CENPW: variants seen among roughly 807,000 people sequenced by gnomAD.
The protein encoded by CENPW is cancer-up-regulated gene 2 protein.
CENPW carries 3 observed loss-of-function variants against 11.1 expected under a neutral mutation model. That is an observed-to-expected ratio of 0.27 (90% CI 0.12 to 0.70). The LOEUF is 0.70. Among genes scored for constraint, CENPW ranks in the 30% least tolerant of loss-of-function variants. The pLI is 0.77. For synonymous variants in CENPW, 38 were observed against 42.0 expected (o/e 0.91, Z 0.37); for missense variants, 100 against 105.6 (o/e 0.95, Z 0.23).
At chr6:126,417,698 T>C in the CENPW span, among the ~76,000 whole-genome samples, 1 of 152,202 alleles carries the variant, frequency 6.6e-6, no homozygotes, top group African/African-American at 2.4e-5. Flanking sequence ...CCCAGTCACT[T>C]GGAACAGTAA....
At chr6:126,406,574 C>T in the CENPW span, among the ~76,000 whole-genome samples, 4 of 152,068 alleles carry the variant, frequency 2.6e-5, no homozygotes, top group African/African-American at 9.7e-5. Flanking sequence ...GTTTGATAGG[C>T]CAGGCACAGT....
downstream of CENPW, among the ~76,000 whole-genome samples, chr6:126,349,235 A>G (rs778257895): frequency 1.3e-5 from 2 of 152,154 alleles, no homozygotes; most frequent in Non-Finnish European, 2.9e-5. Context: ...GAGAAGTCCC[A>G]TGTACAGTAC....
chr6:126,422,678 C>G, the CENPW span, among the ~76,000 whole-genome samples: 1 of 152,030 alleles, frequency 6.6e-6, no homozygotes. Context: ...TCTACTTCAT[C>G]CCTCATGCCA....
chr6:126,469,436 A>C, the CENPW span, among the ~76,000 whole-genome samples: 1 of 152,184 alleles, frequency 6.6e-6, no homozygotes. Context: ...CTTGTTTATA[A>C]ATTATCCAGT....
At chr6:126,379,806 C>T in the CENPW span, among the ~76,000 whole-genome samples, 12 of 152,196 alleles carry the variant, frequency 7.9e-5, no homozygotes, top group East Asian at 3.9e-4. Flanking sequence ...AAAAATCAAA[C>T]GAATTAAAGT....
the CENPW span, among the ~76,000 whole-genome samples, chr6:126,402,598 T>G: frequency 6.7e-6 from 1 of 149,832 alleles, no homozygotes; most frequent in African/African-American, 2.4e-5. Flanking sequence ...ACATTTTATA[T>G]AAATTGAATC....
chr6:126,400,158 T>C, the CENPW span, among the ~76,000 whole-genome samples: 1 of 151,958 alleles, frequency 6.6e-6, no homozygotes, highest in African/African-American at 2.4e-5. Context: ...TATATTAGAG[T>C]GAGTAACAGT....
At chr6:126,421,128 G>A in the CENPW span, among the ~76,000 whole-genome samples, 41 of 152,084 alleles carry the variant, frequency 2.7e-4, no homozygotes, top group African/African-American at 8.7e-4. Flanking sequence ...CTCTTGTTTT[G>A]TATAAAATTG....
the CENPW span, among the ~76,000 whole-genome samples, chr6:126,376,864 C>T: frequency 6.6e-6 from 1 of 152,036 alleles, no homozygotes; most frequent in Non-Finnish European, 1.5e-5. Context: ...GATGGGGGCA[C>T]CCTGGTGTTC....
chr6:126,403,153 T>A, the CENPW span, among the ~76,000 whole-genome samples: 1 of 152,134 alleles, frequency 6.6e-6, no homozygotes, highest in South Asian at 2.1e-4. Context: ...AACTAAGTGT[T>A]TCCCTATTTC....
chr6:126,364,735 GA>G, the CENPW span, among the ~76,000 whole-genome samples: 1 of 152,226 alleles, frequency 6.6e-6, no homozygotes, highest in Non-Finnish European at 1.5e-5. Flanking sequence ...ATGAAAACTT[GA>G]ATGAAGGAAA....
chr6:126,388,961 G>A, the CENPW span, among the ~76,000 whole-genome samples: 3 of 151,782 alleles, frequency 2.0e-5, no homozygotes, highest in Non-Finnish European at 4.4e-5. Flanking sequence ...GCATTCAAAG[G>A]GTTTCCATAG....
At chr6:126,381,836 C>CAGTACCAGTCCCCTAAAGTT in the CENPW span, among the ~76,000 whole-genome samples, 1 of 152,160 alleles carries the variant, frequency 6.6e-6, no homozygotes, top group Non-Finnish European at 1.5e-5. Flanking sequence ...AACCAGGGCT[C>CAGTACCAGTCCCCTAAAGTT]AGTACCAGTC....
the CENPW span, among the ~76,000 whole-genome samples, chr6:126,357,771 G>A: frequency 6.6e-6 from 1 of 152,016 alleles, no homozygotes; most frequent in Non-Finnish European, 1.5e-5. Flanking sequence ...ACCACACCTG[G>A]CTGATTTTAG....
the CENPW span, among the ~76,000 whole-genome samples, chr6:126,417,116 G>A: frequency 1.3e-5 from 2 of 152,180 alleles, no homozygotes; most frequent in African/African-American, 4.8e-5. Flanking sequence ...CTGCATCAGT[G>A]TGACCTGGAT....
chr6:126,455,757 T>G, the CENPW span, among the ~76,000 whole-genome samples: 3 of 151,250 alleles, frequency 2.0e-5, no homozygotes, highest in African/African-American at 4.8e-5. Flanking sequence ...AGCATCCAAA[T>G]AGAAAGAGAA....
At chr6:126,410,095 G>C in the CENPW span, among the ~76,000 whole-genome samples, 1 of 151,516 alleles carries the variant, frequency 6.6e-6, no homozygotes. Context: ...AGAGCTTTAT[G>C]TATTTCTCCA....
chr6:126,415,561 T>C, the CENPW span, among the ~76,000 whole-genome samples: 1 of 152,152 alleles, frequency 6.6e-6, no homozygotes, highest in Non-Finnish European at 1.5e-5. Context: ...ATAAGTGATA[T>C]GGTTTGGCTG....
chr6:126,351,818 G>C (rs1019207564), downstream of CENPW, among the ~76,000 whole-genome samples: 1 of 151,896 alleles, frequency 6.6e-6, no homozygotes, highest in South Asian at 2.1e-4. Context: ...TGATGAACAT[G>C]AGATGGGTAT....
Sources: gnomAD v4.1 joint callset for allele counts (sites outside exome capture counted in the v4.1 genomes callset) on GRCh38, gnomAD v4.1.1 for gene constraint, MANE v1.5 for transcripts, NCBI Gene and HGNC (gene_info 2026-07-23, HGNC 2026-07-21) for gene names.